ARG2: variants seen among roughly 807,000 people sequenced by gnomAD.
ARG2 encodes arginase-2, mitochondrial.
In ARG2, 21 loss-of-function variants were observed where a neutral mutation model predicts 39.4. The ratio of observed to expected loss-of-function variants is 0.53; its 90% confidence interval spans 0.38 to 0.77. ARG2 has a LOEUF of 0.77. ARG2 is among the 30% of genes least tolerant of loss of function. The pLI is 0.00. For synonymous variants in ARG2, 150 were observed against 156.7 expected, an observed-to-expected ratio of 0.96 and a Z score of 0.32; for missense variants, 378 against 426.2, an observed-to-expected ratio of 0.89 and a Z score of 1.00.
rs1594827976 is a variant in ARG2 at position 67,642,225 on chromosome 14, C to T, written c.224C>T (p.Pro75Leu). ...LKDFGDLSFT[P>L]VPKDDLYNNL... ...GACTTTGGAGATTTGAGTTTTACTC[C>T]AGTCCCCAAAGATGATCTCTACAAC... Residue 75 changes from proline (P) to leucine (L), a missense_variant, in exon 3 of 8, where the codon CCA becomes CTA. Pro to Leu is a moderately conservative substitution (Grantham distance 98). Coordinates refer to ENST00000261783, the MANE Select transcript of ARG2 (RefSeq NM_001172.4). The T allele has an allele frequency of 6.2e-6, 10 of 1,614,098 alleles. No individual in the cohort carries two copies. The highest frequency in any genetic ancestry group is 5.1e-6 in the Non-Finnish European group (6 of 1,179,984).
rs2037103450 is a variant in ARG2 at position 67,646,687 on chromosome 14, C to T, written c.566C>T (p.Ser189Phe). 1 of 1,613,818 alleles carries T rather than the reference C, an allele frequency of 6.2e-7. No individual in the cohort carries two copies. The highest frequency in any genetic ancestry group is 8.5e-7 in the Non-Finnish European group (1 of 1,179,728). Residue 189 changes from serine (S) to phenylalanine (F), a missense_variant, in exon 5 of 8, where the codon TCT (serine) becomes TTT (phenylalanine). Coordinates refer to ENST00000261783, the MANE Select transcript of ARG2 (RefSeq NM_001172.4). ...TTTTCCTGGATCAAACCTTGTATCT[C>T]TTCTGCAAGTATTGTGTATATTGGT... ...PGFSWIKPCI[S>F]SASIVYIGLR... is the part of the protein sequence containing the mutation.
At chr14:67,649,594 A>ACAAAT (rs2037146246) in intron 7 of ARG2, 1 of 152,224 alleles carries the variant, frequency 6.6e-6, no homozygotes. Flanking sequence ...GAAATCAGAG[A>ACAAAT]CAAATCAGGA....
intron 1 of ARG2, 39 bp downstream of exon 1, chr14:67,620,127 C>A: frequency 6.9e-7 from 1 of 1,448,722 alleles, no homozygotes; most frequent in Admixed American, 2.0e-5. Flanking sequence ...CAGGATCCTC[C>A]GCCCCCTAGA....
intron 2 of ARG2, among the ~76,000 whole-genome samples, chr14:67,639,947 AAAG>A (rs1460240812): frequency 6.6e-6 from 1 of 150,984 alleles, no homozygotes; most frequent in African/African-American, 2.4e-5. Flanking sequence ...AAAAAAAAAA[AAAG>A]TCTGTGCAGT....
At chr14:67,636,604 A>C (rs4899215) in intron 2 of ARG2, among the ~76,000 whole-genome samples, 147,411 of 152,316 alleles carry the variant, frequency 0.97, 71,502 homozygotes, top group East Asian at 1. Flanking sequence ...TCTTCCTTAC[A>C]GCCTGGTTGC....
chr14:67,643,883 G>C (rs12897171), intron 3 of ARG2, among the ~76,000 whole-genome samples: 15 of 85,698 alleles, frequency 1.8e-4, no homozygotes, highest in Non-Finnish European at 2.6e-4. Context: ...AAAAAAAAAA[G>C]ACTCAGGTTG....
At chr14:67,631,834 G>A (rs539892343) in intron 2 of ARG2, among the ~76,000 whole-genome samples, 5 of 151,998 alleles carry the variant, frequency 3.3e-5, no homozygotes, top group Non-Finnish European at 7.4e-5. Context: ...TGCTTCCATG[G>A]CTTTACTGTC....
At chr14:67,646,856 C>G in intron 5 of ARG2, 65 bp from the exon 6 acceptor site, 1 of 1,389,458 alleles carries the variant, frequency 7.2e-7, no homozygotes, top group Admixed American at 1.7e-5. Context: ...ACCCTCTCCC[C>G]CAAATACATA....
At chr14:67,646,532 T>G (rs1555382197) in intron 4 of ARG2, 112 bp from the exon 5 acceptor site, 1 of 812,338 alleles carries the variant, frequency 1.2e-6, no homozygotes, top group Non-Finnish European at 2.0e-6. Context: ...GCTCTAAACT[T>G]ACCCTGTGGG....
intron 7 of ARG2, chr14:67,650,275 C>T (rs571993257): frequency 3.0e-4 from 65 of 215,486 alleles, no homozygotes; most frequent in Non-Finnish European, 4.2e-4. Flanking sequence ...AGTGGGAATG[C>T]AGTTTGGCTA....
In ARG2 at chr14:67,645,671, G is replaced by A; in HGVS notation, c.391G>A (p.Ala131Thr). The change falls in exon 4 of 8, where the codon GCC (alanine) becomes ACC (threonine). Residue 131 changes from alanine to threonine, a missense_variant. Physicochemically the swap from Ala to Thr is moderately conservative, Grantham distance 58. Coordinates refer to ENST00000261783, the MANE Select transcript of ARG2 (RefSeq NM_001172.4). ...SLAIGTISGHARHCPDLCVVW... is the reference protein window; with the variant it reads ...SLAIGTISGHTRHCPDLCVVW... ...GGCAATCGGTACCATTAGTGGCCAT[G>A]CCCGACACTGCCCAGACCTTTGTGT... is the stretch of plus-strand genomic sequence containing the variant. 1.2e-6 allele frequency: 2 copies of A among 1,613,908 alleles called. No homozygotes were observed. Among genetic ancestry groups the A allele is most frequent in the Non-Finnish European group, 1.7e-6 (2 of 1,179,906 alleles).
chr14:67,643,439 A>G (rs1251718435), intron 3 of ARG2, among the ~76,000 whole-genome samples: 2 of 152,248 alleles, frequency 1.3e-5, no homozygotes, highest in African/African-American at 4.8e-5. Flanking sequence ...TGAGCACTCC[A>G]TACATATTCT....
intron 3 of ARG2, among the ~76,000 whole-genome samples, chr14:67,643,852 T>TAAAAAAA (rs553614739): frequency 3.7e-5 from 3 of 81,214 alleles, no homozygotes; most frequent in Non-Finnish European, 5.2e-5. Flanking sequence ...TCCTTGGGAG[T>TAAAAAAA]AAAAAAAAAA....
chr14:67,630,830 G>C (rs1017351279), intron 2 of ARG2, among the ~76,000 whole-genome samples: 5 of 152,176 alleles, frequency 3.3e-5, no homozygotes, highest in African/African-American at 1.2e-4. Context: ...TGATCCACCT[G>C]CCTTGGCCTC....
At chr14:67,646,854 C>A in intron 5 of ARG2, 67 bp from the exon 6 acceptor site, 2 of 1,381,948 alleles carry the variant, frequency 1.4e-6, no homozygotes, top group Non-Finnish European at 2.1e-6. Context: ...CCACCCTCTC[C>A]CCCAAATACA....
rs73274519 is a variant in ARG2, at chr14:67,626,269, C to A, written c.184+5303C>A. Among the ~76,000 whole-genome samples the A allele has an allele frequency of 7.7e-3, 1,169 of 151,524 alleles. 14 individuals are homozygous for A. Among genetic ancestry groups the A allele is most frequent in the African/African-American group, 0.027 (1,131 of 41,182 alleles). ...ACTCTGTCTCAGGGGAAAAAAAAAA[C>A]CACAAAACTACAATGAAATACCATT... On this transcript the variant is annotated intron_variant, in intron 2 of 7. Transcript: ENST00000261783.
At chr14:67,637,694 A>G (rs1257451985) in intron 2 of ARG2, among the ~76,000 whole-genome samples, 1 of 152,204 alleles carries the variant, frequency 6.6e-6, no homozygotes, top group Non-Finnish European at 1.5e-5. Flanking sequence ...GGCTGGCATC[A>G]TGTATTTGTT....
At chr14:67,637,751 T>A (rs2036988241) in intron 2 of ARG2, among the ~76,000 whole-genome samples, 1 of 152,360 alleles carries the variant, frequency 6.6e-6, no homozygotes. Context: ...AAATTTGTAA[T>A]CCTAGAGCAA....
At position 67,646,965 on chromosome 14, in the gene ARG2, A is replaced by G. The variant is rs2037106944; in HGVS notation, c.662A>G (p.Asp221Gly). 6.2e-7 allele frequency: 1 copy of G among 1,612,506 alleles called. No homozygotes were observed. The highest frequency in any genetic ancestry group is 8.5e-7 in the Non-Finnish European group (1 of 1,178,728). ...GATATCCAGTATTTTTCCATGAGAG[A>G]TATTGATCGACTTGGTATCCAGAAG... is the stretch of plus-strand genomic sequence containing the variant. ...NYDIQYFSMR[D>G]IDRLGIQKVM... The change falls in exon 6 of 8, where the codon GAT (aspartate) becomes GGT (glycine). Residue 221 changes from aspartate to glycine, a missense_variant. Physicochemically the swap from Asp to Gly is moderately conservative, Grantham distance 94. Transcript: ENST00000261783.
Sources: gnomAD v4.1 joint callset for allele counts (sites outside exome capture counted in the v4.1 genomes callset) on GRCh38, gnomAD v4.1.1 for gene constraint, MANE v1.5 for transcripts, NCBI Gene and HGNC (gene_info 2026-07-23, HGNC 2026-07-21) for gene names.